ROBO2: variants seen among roughly 807,000 people sequenced by gnomAD.
ROBO2 encodes roundabout homolog 2.
Under a neutral mutation model 160.8 loss-of-function variants are expected in ROBO2, and 53 were observed. The observed-to-expected ratio is 0.33, with a 90% confidence interval of 0.26 to 0.41. ROBO2 has a LOEUF of 0.41. ROBO2 is among the 10% of genes least tolerant of loss of function. The pLI is 1.00. For synonymous variants in ROBO2, 664 were observed against 611.7 expected, an observed-to-expected ratio of 1.09 and a Z score of -1.26; for missense variants, 1,577 against 1,722.4, an observed-to-expected ratio of 0.92 and a Z score of 1.49.
chr3:77,323,818 G>T lies in ROBO2; in HGVS notation c.389-153596G>T, dbSNP rs1581067012. ...TGTAAGACAAAGGGTATTTTCAGTA[G>T]GCTTGGAAATCACTTGGCATTTTTG... On this transcript the variant is annotated intron_variant, in intron 2 of 25. Transcript: ENST00000461745. Among the ~76,000 whole-genome samples, 4 of 152,192 alleles carry T rather than the reference G, an allele frequency of 2.6e-5. No individual in the cohort carries two copies. The South Asian group carries it at 8.3e-4, about 32-fold the overall frequency.
chr3:76,693,264 GTCTCTC>G (rs563769501), intron 2 of ROBO2, among the ~76,000 whole-genome samples: 5 of 105,100 alleles, frequency 4.8e-5, no homozygotes, highest in African/African-American at 2.1e-4. Context: ...ATACATACAT[GTCTCTC>G]TCTCTATATA....
chr3:76,906,303 C>T (rs1386691044), intron 2 of ROBO2, among the ~76,000 whole-genome samples: 1 of 151,616 alleles, frequency 6.6e-6, no homozygotes, highest in African/African-American at 2.4e-5. Flanking sequence ...AGATATATTA[C>T]ATATATATAA....
At chr3:76,794,176 T>G (rs906234763) in intron 2 of ROBO2, among the ~76,000 whole-genome samples, 1 of 151,818 alleles carries the variant, frequency 6.6e-6, no homozygotes, top group Non-Finnish European at 1.5e-5. Flanking sequence ...AAAAATTGAA[T>G]AAATGAGGAA....
In ROBO2 at chr3:77,307,915, A is replaced by T. The variant is rs1345527900; in HGVS notation, c.389-169499A>T. 2.0e-5 allele frequency among the ~76,000 whole-genome samples: 3 copies of T among 152,006 alleles called. No individual in the cohort carries two copies. In the East Asian group the frequency reaches 5.8e-4, roughly 30 times the overall value. On this transcript the variant is annotated intron_variant, in intron 2 of 25. Coordinates refer to ENST00000461745, the Ensembl canonical transcript of ROBO2. The stretch of plus-strand genomic sequence containing the variant: ...GGTGGTTGCAGTGGGCTGAGATCGC[A>T]CCACTGCACTCCAGCCTGAGCAACA...
At chr3:76,639,977 A>G (rs924328035) in intron 2 of ROBO2, among the ~76,000 whole-genome samples, 1 of 152,214 alleles carries the variant, frequency 6.6e-6, no homozygotes, top group African/African-American at 2.4e-5. Context: ...ACTGTACTCT[A>G]GAAAGAAAAT....
chr3:77,485,940 C>A lies in ROBO2; in HGVS notation c.667+4721C>A, dbSNP rs543543220. The stretch of plus-strand genomic sequence containing the variant: ...CTTTCTGATGCTCTCCCTCACCATG[C>A]CCTTTTGACAGGCTCCAGTGTGTGT... On this transcript the variant is annotated intron_variant, in intron 4 of 25. Coordinates refer to ENST00000461745, the Ensembl canonical transcript of ROBO2. Among the ~76,000 whole-genome samples the A allele has an allele frequency of 1.3e-3, 205 of 152,112 alleles. No homozygotes were observed. In the South Asian group the frequency reaches 0.019, roughly 14 times the overall value.
At chr3:76,915,127 T>G (rs1384769456) in intron 2 of ROBO2, among the ~76,000 whole-genome samples, 2 of 152,224 alleles carry the variant, frequency 1.3e-5, no homozygotes, top group Non-Finnish European at 2.9e-5. Context: ...GCTGCCTTAT[T>G]TTTGTTTATT....
chr3:76,685,926 T>A (rs1045166189), intron 2 of ROBO2, among the ~76,000 whole-genome samples: 2 of 152,148 alleles, frequency 1.3e-5, no homozygotes, highest in Non-Finnish European at 2.9e-5. Flanking sequence ...ATGTATCCTT[T>A]CTTGGCTTTG....
chr3:76,402,527 C>T (rs754216446), intron 2 of ROBO2, among the ~76,000 whole-genome samples: 5 of 151,556 alleles, frequency 3.3e-5, no homozygotes, highest in Non-Finnish European at 7.4e-5. Flanking sequence ...CTGCAGGTAA[C>T]AACTCTGCTA....
At chr3:76,133,614 G>A (rs114344565) in intron 2 of ROBO2, among the ~76,000 whole-genome samples, 1,622 of 152,144 alleles carry the variant, frequency 0.011, 32 homozygotes, top group African/African-American at 0.034. Context: ...TTCAGTGTGT[G>A]GCCGAAGACC....
chr3:77,534,570 C>T (rs1276927370), intron 6 of ROBO2, among the ~76,000 whole-genome samples: 4 of 152,150 alleles, frequency 2.6e-5, no homozygotes, highest in Non-Finnish European at 4.4e-5. Context: ...ATGTGTGTTA[C>T]ACCTACATAT....
chr3:76,217,720 T>A (rs1410233727), intron 2 of ROBO2, among the ~76,000 whole-genome samples: 1 of 152,180 alleles, frequency 6.6e-6, no homozygotes, highest in Non-Finnish European at 1.5e-5. Flanking sequence ...TACAGCGGAA[T>A]TCTACCAGAG....
At chr3:76,392,149 A>C (rs183647380) in intron 2 of ROBO2, among the ~76,000 whole-genome samples, 30 of 152,338 alleles carry the variant, frequency 2.0e-4, no homozygotes, top group African/African-American at 6.3e-4. Flanking sequence ...AATTATGAAG[A>C]ATATCCTTGG....
At chr3:76,466,728 A>G (rs1189075641) in intron 2 of ROBO2, among the ~76,000 whole-genome samples, 1 of 151,984 alleles carries the variant, frequency 6.6e-6, no homozygotes, top group African/African-American at 2.4e-5. Context: ...TACATAGGTT[A>G]TATTGCCAAC....
intron 2 of ROBO2, among the ~76,000 whole-genome samples, chr3:76,894,656 T>C (rs75765805): frequency 0.014 from 2,140 of 152,204 alleles, 36 homozygotes; most frequent in African/African-American, 0.047. Flanking sequence ...CTCATTTGAG[T>C]AGTTGTAGGC....
At chr3:77,107,903 A>G (rs988156650) in intron 2 of ROBO2, among the ~76,000 whole-genome samples, 2 of 152,178 alleles carry the variant, frequency 1.3e-5, no homozygotes, top group Non-Finnish European at 2.9e-5. Flanking sequence ...TATATTTGAT[A>G]TAAACCATTT....
chr3:76,557,328 A>G (rs985493186), intron 2 of ROBO2, among the ~76,000 whole-genome samples: 3 of 152,066 alleles, frequency 2.0e-5, no homozygotes, highest in African/African-American at 4.8e-5. Context: ...TAAAGATTGC[A>G]TCTAAAAATT....
At chr3:77,394,448 A>T (rs2075070255) in intron 2 of ROBO2, among the ~76,000 whole-genome samples, 1 of 152,068 alleles carries the variant, frequency 6.6e-6, no homozygotes, top group African/African-American at 2.4e-5. Flanking sequence ...AACTACTATT[A>T]AAAAAAACTA....
At chr3:77,587,873 C>T (rs981998469) in intron 16 of ROBO2, among the ~76,000 whole-genome samples, 15 of 152,000 alleles carry the variant, frequency 9.9e-5, no homozygotes, top group Admixed American at 2.0e-4. Flanking sequence ...TAATTCCCAG[C>T]ATCTACATTT....
Sources: allele counts gnomAD v4.1 joint callset (sites outside exome capture counted in the v4.1 genomes callset), GRCh38; gene constraint gnomAD v4.1.1; transcripts MANE v1.5; gene names NCBI Gene and HGNC (gene_info 2026-07-23, HGNC 2026-07-21).